Variants in CD207 observed in about 807,000 individuals in gnomAD.
CD207 encodes CD207 molecule.
In CD207, 28 loss-of-function variants were observed where a neutral mutation model predicts 31.6. The observed-to-expected ratio is 0.89, with a 90% confidence interval of 0.66 to 1.21. The LOEUF is 1.21. Ranked by LOEUF, CD207 falls within the 50% of genes most tolerant of loss-of-function variation. CD207 has a pLI of 0.00. For synonymous variants in CD207, 168 were observed against 153.9 expected (o/e 1.09, Z -0.68); for missense variants, 388 against 397.8 (o/e 0.98, Z 0.21).
chr2:70,835,755 G>C lies in CD207; in HGVS notation c.22C>G (p.Pro8Ala). 5 of 1,612,700 alleles carry C rather than the reference G, an allele frequency of 3.1e-6. No individual in the cohort carries two copies. Among genetic ancestry groups the C allele is most frequent in the Non-Finnish European group, 4.2e-6 (5 of 1,179,432 alleles). The change falls in exon 1 of 6, where the codon CCT (proline) becomes GCT (alanine). Residue 8 changes from proline to alanine, a missense_variant. Pro to Ala is a conservative substitution (Grantham distance 27). Coordinates refer to ENST00000410009, the MANE Select transcript of CD207 (RefSeq NM_015717.5). ...TTGTCCACAGTGAAGTGCGCATCAGGGGCCTCCTTCTCCACAGTCATCCTG... is the reference window on the plus strand; with the variant it reads ...TTGTCCACAGTGAAGTGCGCATCAGCGGCCTCCTTCTCCACAGTCATCCTG... MTVEKEAPDAHFTVDKQN... is the reference protein window; with the variant it reads MTVEKEAADAHFTVDKQN...
In CD207 at chr2:70,831,682, G is replaced by A. The variant is rs782166444; in HGVS notation, c.836+19C>T. On this transcript the variant is annotated intron_variant, in intron 5 of 5. Transcript: ENST00000410009. ...GGCCGGGGAAAGTCAGGCTGGCACG[G>A]AGGGCTCCAGGGGCTTACCTCACAC... 2.0e-6 allele frequency: 3 copies of A among 1,489,620 alleles called. No homozygotes were observed. Among genetic ancestry groups the A allele is most frequent in the Non-Finnish European group, 9.4e-7 (1 of 1,067,046 alleles). The allele number at this position is 1,489,620 out of a possible 1,614,324, so 92.3% of individuals were successfully genotyped here.
In CD207 at chr2:70,833,925, TA is replaced by T; in HGVS notation, c.285del (p.Lys97ArgfsTer16). The T allele has an allele frequency of 6.3e-7, 1 of 1,591,220 alleles. No homozygotes were observed. The highest frequency in any genetic ancestry group is 8.6e-7 in the Non-Finnish European group (1 of 1,167,742). ...VDNISTLDSEIKKNSDGMEAA... is the reference protein window; with the variant it reads ...VDNISTLDSEXKKNSDGMEAA... ...GCCTCCATGCCGTCACTATTCTTTT[TA>T]ATTTCAGAATCCAGGGTGCTGATGT... On this transcript the variant is annotated frameshift_variant, in exon 3 of 6. Transcript: ENST00000410009. LOFTEE classifies it high-confidence loss of function.
rs114086208 is a variant in CD207, at chr2:70,831,211, C to T, written c.837-11G>A. 305 of 1,590,674 alleles carry T rather than the reference C, an allele frequency of 1.9e-4. 1 individual carries two copies. In the African/African-American group the frequency reaches 3.2e-3, roughly 17 times the overall value. Reference sequence around the variant, plus strand: ...CCTGGAATCCAGAACCTACCAAGAGCGGGGAAAAAGATGGATTTACAAAGT... The same window carrying T: ...CCTGGAATCCAGAACCTACCAAGAGTGGGGAAAAAGATGGATTTACAAAGT... On this transcript the variant is annotated splice_polypyrimidine_tract_variant and intron_variant, in intron 5 of 5. Transcript: ENST00000410009.
In CD207 at chr2:70,834,157, C is replaced by A; in HGVS notation, c.191-137G>T. ...ACCAAGACAGTCCAATGGGCCACCC[C>A]AACCCTCCAATCATTCATTAACGTA... On this transcript the variant is annotated intron_variant, in intron 2 of 5. Coordinates refer to ENST00000410009, the MANE Select transcript of CD207 (RefSeq NM_015717.5). 3.0e-6 allele frequency: 2 copies of A among 660,922 alleles called. 1 individual carries two copies. The highest frequency in any genetic ancestry group is 1.0e-4 in the South Asian group (2 of 19,464). 40.9% of individuals were successfully genotyped at this position (660,922 alleles called of 1,614,324 possible).
Position 70,831,205 on chromosome 2 carries a change from C to G in CD207, c.837-5G>C. The stretch of plus-strand genomic sequence containing the variant: ...GGCTCACCTGGAATCCAGAACCTAC[C>G]AAGAGCGGGGAAAAAGATGGATTTA... On this transcript the variant is annotated splice_region_variant and splice_polypyrimidine_tract_variant and intron_variant, in intron 5 of 5. Transcript: ENST00000410009. The G allele has an allele frequency of 6.3e-7, 1 of 1,596,790 alleles. No homozygotes were observed. The highest frequency in any genetic ancestry group is 8.5e-7 in the Non-Finnish European group (1 of 1,173,968).
In CD207 at chr2:70,835,731, T is replaced by G. The variant is rs1677603167; in HGVS notation, c.46A>C (p.Lys16Gln). 1 of 1,613,382 alleles carries G rather than the reference T, an allele frequency of 6.2e-7. No homozygotes were observed. The highest frequency in any genetic ancestry group is 8.5e-7 in the Non-Finnish European group (1 of 1,179,690). The change falls in exon 1 of 6, where the codon AAA becomes CAA. Residue 16 changes from lysine (K) to glutamine (Q), a missense_variant. Coordinates refer to ENST00000410009, the MANE Select transcript of CD207 (RefSeq NM_015717.5). ...EAPDAHFTVDKQNISLWPREP... is the reference protein window; with the variant it reads ...EAPDAHFTVDQQNISLWPREP... ...CGGGGCCAGAGGGAGATGTTCTGTT[T>G]GTCCACAGTGAAGTGCGCATCAGGG...
At position 70,832,912 on chromosome 2, in the gene CD207, T is replaced by G. The variant is rs1553400084; in HGVS notation, c.705A>C (p.Ser235=). 6.2e-7 allele frequency: 1 copy of G among 1,613,690 alleles called. No homozygotes were observed. The highest frequency in any genetic ancestry group is 8.5e-7 in the Non-Finnish European group (1 of 1,179,680). ...SRNSHLTSVT[S]ESEQEFLYKT... Reference sequence around the variant, plus strand: ...GCACAGCACTCACCTGCTCACTCTCTGAGGTCACCGAGGTCAGGTGTGAAT... The same window carrying G: ...GCACAGCACTCACCTGCTCACTCTCGGAGGTCACCGAGGTCAGGTGTGAAT... The change falls in exon 4 of 6, where the codon TCA becomes TCC. Residue 235 remains serine (S), a synonymous_variant. Transcript: ENST00000410009.
downstream of CD207, among the ~76,000 whole-genome samples, chr2:70,826,994 G>A (rs372656366): frequency 1.3e-5 from 2 of 152,246 alleles, no homozygotes; most frequent in East Asian, 3.9e-4. Flanking sequence ...CCCCTCCTCT[G>A]GCTTTGAAGG....
downstream of CD207, among the ~76,000 whole-genome samples, chr2:70,826,848 T>G (rs1677357598): frequency 2.0e-5 from 3 of 152,326 alleles, no homozygotes; most frequent in South Asian, 6.2e-4. Context: ...GATCTTGTTA[T>G]TCCTGGAAGC....
chr2:70,828,276 C>T (rs73937038), downstream of CD207, among the ~76,000 whole-genome samples: 13,573 of 152,216 alleles, frequency 0.089, 898 homozygotes, highest in African/African-American at 0.17. Context: ...GCCCATGTAG[C>T]GACCTCCCTG....
chr2:70,825,042 G>A, the CD207 span, among the ~76,000 whole-genome samples: 91,693 of 151,768 alleles, frequency 0.6, 28,172 homozygotes, highest in Middle Eastern at 0.7. Flanking sequence ...CAAGGTCAAC[G>A]CCAACAGTAA....
At chr2:70,831,244 C>T in intron 5 of CD207, 44 bp from the exon 6 acceptor site, 1 of 1,567,856 alleles carries the variant, frequency 6.4e-7, no homozygotes, top group Non-Finnish European at 8.7e-7. Context: ...AGTGGAAAAT[C>T]AAAAAGAACT....
At position 70,835,694 on chromosome 2, in the gene CD207, T is replaced by C. The variant is rs1227603921; in HGVS notation, c.73+10A>G. ...ACACGGAGCAGGTTCTCAGCAGCGA[T>C]GTGGCTTGCCTCGGGGCCAGAGGGA... On this transcript the variant is annotated intron_variant, in intron 1 of 5. Transcript: ENST00000410009. The C allele has an allele frequency of 3.1e-6, 5 of 1,613,364 alleles. No homozygotes were observed. Among genetic ancestry groups the C allele is most frequent in the Non-Finnish European group, 4.2e-6 (5 of 1,179,628 alleles).
chr2:70,825,036 G>A, the CD207 span, among the ~76,000 whole-genome samples: 3 of 152,158 alleles, frequency 2.0e-5, no homozygotes, highest in Admixed American at 1.3e-4. Context: ...GGAGATCAAG[G>A]TCAACGCCAA....
chr2:70,835,602 G>A lies in CD207; in HGVS notation c.79C>T (p.Pro27Ser), dbSNP rs1553400893. 1.9e-6 allele frequency: 3 copies of A among 1,613,850 alleles called. No homozygotes were observed. Among genetic ancestry groups the A allele is most frequent in the African/African-American group, 1.3e-5 (1 of 75,058 alleles). The change falls in exon 2 of 6, where the codon CCT (proline) becomes TCT (serine). Residue 27 changes from proline to serine, a missense_variant. By Grantham distance (74) the Pro-to-Ser change is moderately conservative (BLOSUM62 -1). Coordinates refer to ENST00000410009, the MANE Select transcript of CD207 (RefSeq NM_015717.5). ...ACCAGAGATGGACCGGACTTGGGAG[G>A]AGGCTCTGTTGGAAGAAGAAGAAAA... ...QNISLWPREPPPKSGPSLVPG... is the reference protein window; with the variant it reads ...QNISLWPREPSPKSGPSLVPG...
the CD207 span, among the ~76,000 whole-genome samples, chr2:70,825,043 C>T: frequency 2.0e-5 from 3 of 152,152 alleles, no homozygotes; most frequent in African/African-American, 7.2e-5. Flanking sequence ...AAGGTCAACG[C>T]CAACAGTAAT....
chr2:70,834,256 A>G (rs558734445), intron 2 of CD207, among the ~76,000 whole-genome samples: 1 of 152,176 alleles, frequency 6.6e-6, no homozygotes, highest in South Asian at 2.1e-4. Context: ...GATTGATAAA[A>G]CACAGGCTCT....
chr2:70,825,138 C>A, the CD207 span, among the ~76,000 whole-genome samples: 1 of 152,144 alleles, frequency 6.6e-6, no homozygotes, highest in Non-Finnish European at 1.5e-5. Context: ...AAACTCAGTA[C>A]CCCAATGTAA....
chr2:70,827,905 CTT>C (rs138198822), downstream of CD207, among the ~76,000 whole-genome samples: 2,460 of 152,114 alleles, frequency 0.016, 59 homozygotes, highest in African/African-American at 0.056. Flanking sequence ...ATTTTTTTCT[CTT>C]CTTTTATATT....
Sources: gnomAD v4.1 joint callset for allele counts (sites outside exome capture counted in the v4.1 genomes callset) on GRCh38, gnomAD v4.1.1 for gene constraint, MANE v1.5 for transcripts, NCBI Gene and HGNC (gene_info 2026-07-23, HGNC 2026-07-21) for gene names.